The following PDE7B variants were observed in gnomAD, a reference collection of about 807,000 sequenced individuals.
PDE7B encodes the protein 3',5'-cyclic-AMP phosphodiesterase 7B.
Under a neutral mutation model 56.2 loss-of-function variants are expected in PDE7B, and 29 were observed. The ratio of observed to expected loss-of-function variants is 0.52; its 90% CI spans 0.38 to 0.70. PDE7B has a LOEUF of 0.70. Among genes scored for constraint, PDE7B ranks in the 30% least tolerant of loss-of-function variants. The pLI is 0.00. For missense variants in PDE7B, 490 were observed against 565.0 expected, an observed-to-expected ratio of 0.87 and a Z score of 1.35; for synonymous variants, 197 against 196.9, an observed-to-expected ratio of 1.00 and a Z score of 0.00.
intron 9 of PDE7B, among the ~76,000 whole-genome samples, chr6:136,177,140 A>G (rs754979213): frequency 6.6e-6 from 1 of 152,014 alleles, no homozygotes; most frequent in Non-Finnish European, 1.5e-5. Context: ...GCCATAAATA[A>G]AAAGATTTAT....
At chr6:135,857,431 A>G (rs539024434) in intron 1 of PDE7B, among the ~76,000 whole-genome samples, 35 of 152,260 alleles carry the variant, frequency 2.3e-4, no homozygotes, top group Admixed American at 2.0e-3. Flanking sequence ...TGACTTAAAT[A>G]TACTTAATCT....
intron 1 of PDE7B, among the ~76,000 whole-genome samples, chr6:135,892,289 G>C (rs1775822523): frequency 6.6e-6 from 1 of 152,124 alleles, no homozygotes; most frequent in South Asian, 2.1e-4. Context: ...TCAGAAACGT[G>C]AGAATCAACT....
intron 1 of PDE7B, among the ~76,000 whole-genome samples, chr6:135,923,658 T>G (rs1774132622): frequency 6.6e-6 from 1 of 152,160 alleles, no homozygotes; most frequent in African/African-American, 2.4e-5. Context: ...ATAGTGGTCT[T>G]ACCACACAGA....
At chr6:135,990,058 T>C (rs931355164) in intron 2 of PDE7B, among the ~76,000 whole-genome samples, 1 of 152,052 alleles carries the variant, frequency 6.6e-6, no homozygotes, top group African/African-American at 2.4e-5. Flanking sequence ...AACTCTGGAA[T>C]TGGGACTCAG....
chr6:136,180,462 T>G (rs927083935), intron 10 of PDE7B, among the ~76,000 whole-genome samples: 7 of 152,202 alleles, frequency 4.6e-5, no homozygotes, highest in Admixed American at 1.3e-4. Context: ...AGGAAATAAA[T>G]ATAAACAACT....
intron 2 of PDE7B, among the ~76,000 whole-genome samples, chr6:136,069,473 A>G (rs1777009332): frequency 6.6e-6 from 1 of 152,182 alleles, no homozygotes; most frequent in African/African-American, 2.4e-5. Flanking sequence ...CAGTCCTTGA[A>G]ATTGTACAGT....
chr6:135,919,065 G>C (rs1236663789), intron 1 of PDE7B, among the ~76,000 whole-genome samples: 2 of 152,076 alleles, frequency 1.3e-5, no homozygotes, highest in African/African-American at 4.8e-5. Context: ...CACTTTTTCA[G>C]TTCAACTGAG....
chr6:135,978,622 C>T (rs1583808034), intron 2 of PDE7B, among the ~76,000 whole-genome samples: 2 of 152,036 alleles, frequency 1.3e-5, no homozygotes, highest in South Asian at 2.1e-4. Context: ...CACAAACATA[C>T]GACTGTACAA....
At chr6:135,891,138 A>G (rs1226386064) in intron 1 of PDE7B, among the ~76,000 whole-genome samples, 1 of 152,218 alleles carries the variant, frequency 6.6e-6, no homozygotes, top group East Asian at 1.9e-4. Context: ...TTCCCTCGGC[A>G]TAAGCCAAAG....
intron 2 of PDE7B, among the ~76,000 whole-genome samples, chr6:136,077,740 AAT>A (rs1468666956): frequency 6.6e-6 from 1 of 152,218 alleles, no homozygotes; most frequent in Non-Finnish European, 1.5e-5. Context: ...TTCCTGCACT[AAT>A]ATGTGTTAAA....
chr6:136,020,356 A>G (rs1302727806), intron 2 of PDE7B, among the ~76,000 whole-genome samples: 2 of 152,142 alleles, frequency 1.3e-5, no homozygotes, highest in East Asian at 3.8e-4. Flanking sequence ...AAAGCTAAAG[A>G]TTTCATTTCT....
intron 8 of PDE7B, among the ~76,000 whole-genome samples, chr6:136,161,069 A>T (rs141294029): frequency 6.6e-6 from 1 of 152,182 alleles, no homozygotes; most frequent in Admixed American, 6.5e-5. Context: ...TATTTGAATA[A>T]AATGTAGTAT....
intron 2 of PDE7B, among the ~76,000 whole-genome samples, chr6:135,976,481 C>A (rs557968434): frequency 6.6e-6 from 1 of 152,080 alleles, no homozygotes; most frequent in South Asian, 2.1e-4. Flanking sequence ...CAGGGCAGAG[C>A]GGGAGTAAGT....
chr6:136,128,206 T>C (rs1335568031), intron 3 of PDE7B, among the ~76,000 whole-genome samples: 1 of 152,176 alleles, frequency 6.6e-6, no homozygotes, highest in African/African-American at 2.4e-5. Flanking sequence ...CGTGTGCAAA[T>C]CAAGTATGCC....
intron 2 of PDE7B, among the ~76,000 whole-genome samples, chr6:135,950,609 G>C (rs1323864041): frequency 6.6e-6 from 1 of 152,002 alleles, no homozygotes; most frequent in Non-Finnish European, 1.5e-5. Context: ...CAAGCCCTTG[G>C]CTCACTCCCC....
intron 2 of PDE7B, among the ~76,000 whole-genome samples, chr6:136,055,426 G>C (rs1019719657): frequency 1.3e-5 from 2 of 152,064 alleles, no homozygotes; most frequent in African/African-American, 4.8e-5. Context: ...TACTTCATTG[G>C]TAGTCCCTCA....
intron 2 of PDE7B, among the ~76,000 whole-genome samples, chr6:136,096,682 A>AATTTTAT: frequency 6.6e-6 from 1 of 152,062 alleles, no homozygotes; most frequent in African/African-American, 2.4e-5. Flanking sequence ...TATTCTTAAG[A>AATTTTAT]TCAGCATAAT....
intron 2 of PDE7B, chr6:136,044,171 T>C (rs1414971212): frequency 6.6e-6 from 1 of 152,210 alleles, no homozygotes; most frequent in East Asian, 1.9e-4. Context: ...AATATGCCTT[T>C]CTCTTCTGAA....
intron 5 of PDE7B, 100 bp from the exon 6 acceptor site, chr6:136,151,060 A>G (rs1212684828): frequency 7.6e-6 from 5 of 654,966 alleles, no homozygotes; most frequent in Non-Finnish European, 1.4e-5. Flanking sequence ...AAAATATTCT[A>G]TCACAGAAAC....
Sources: allele counts gnomAD v4.1 joint callset (sites outside exome capture counted in the v4.1 genomes callset), GRCh38; gene constraint gnomAD v4.1.1; transcripts MANE v1.5; gene names NCBI Gene and HGNC (gene_info 2026-07-23, HGNC 2026-07-21).